SP140: variants seen among roughly 807,000 people sequenced by gnomAD.
The protein encoded by SP140 is SP140 nuclear body protein, also known as nuclear body protein SP140.
In SP140, 81 loss-of-function variants were observed where a neutral mutation model predicts 125.0. That is an observed-to-expected ratio of 0.65 (90% CI 0.54 to 0.78). The LOEUF is 0.78. Ranked by LOEUF, SP140 falls within the 30% of genes least tolerant of loss-of-function variation. SP140 has a pLI of 0.00. For synonymous variants in SP140, 312 were observed against 354.0 expected (o/e 0.88, Z 1.33); for missense variants, 858 against 1,037.0 (o/e 0.83, Z 2.37).
At chr2:230,278,585 C>T (rs1379490990) in intron 15 of SP140, among the ~76,000 whole-genome samples, 1 of 152,052 alleles carries the variant, frequency 6.6e-6, no homozygotes, top group Non-Finnish European at 1.5e-5. Flanking sequence ...AGACTAACCT[C>T]AAGGAGCTTT....
intron 19 of SP140, among the ~76,000 whole-genome samples, chr2:230,291,926 G>C (rs1005794878): frequency 1.3e-5 from 2 of 152,170 alleles, no homozygotes; most frequent in Admixed American, 1.3e-4. Flanking sequence ...GTTATCGTCT[G>C]TCTGTCTTTT....
intron 12 of SP140, among the ~76,000 whole-genome samples, chr2:230,259,515 TA>T (rs71049699): frequency 0.19 from 26,835 of 142,012 alleles, 2,734 homozygotes; most frequent in Non-Finnish European, 0.25. Context: ...CCGCCTCCGC[TA>T]AAAAAAAAAA....
intron 1 of SP140, chr2:230,213,010 AT>A: frequency 1.9e-6 from 3 of 1,613,928 alleles, no homozygotes; most frequent in Non-Finnish European, 2.5e-6. Flanking sequence ...CTGCTCTGCC[AT>A]TCATAGGAAG....
At chr2:230,271,552 C>T (rs1453175595) in intron 15 of SP140, among the ~76,000 whole-genome samples, 1 of 152,114 alleles carries the variant, frequency 6.6e-6, no homozygotes, top group East Asian at 1.9e-4. Context: ...AAAGGGCCTC[C>T]TTATTATATA....
At chr2:230,259,770 TCATATATATATATATATATATATATAC>T (rs144574839) in intron 12 of SP140, among the ~76,000 whole-genome samples, 18,163 of 67,288 alleles carry the variant, frequency 0.27, 1,428 homozygotes, top group Non-Finnish European at 0.29. Context: ...TAGTATTCCA[TCATATATATATATATATATATATATAC>T]CACATACATA....
At chr2:230,202,446 A>C, upstream of SP140, 1 of 789,982 alleles carries the variant, frequency 1.3e-6, no homozygotes, top group Non-Finnish European at 2.1e-6. Flanking sequence ...TCCTCTTGTT[A>C]TACCCCATCC....
chr2:230,296,444 A>G (rs778437943), intron 21 of SP140, among the ~76,000 whole-genome samples: 1 of 152,194 alleles, frequency 6.6e-6, no homozygotes, highest in Non-Finnish European at 1.5e-5. Flanking sequence ...GAAGGGAAGG[A>G]TGCCAAGTCA....
At chr2:230,276,972 G>C (rs956444886) in intron 15 of SP140, among the ~76,000 whole-genome samples, 6 of 152,154 alleles carry the variant, frequency 3.9e-5, no homozygotes, top group African/African-American at 1.4e-4. Flanking sequence ...ACCTTGAGTG[G>C]ACAAGGAGTT....
At chr2:230,194,158 C>T in the SP140 span, among the ~76,000 whole-genome samples, 1 of 152,176 alleles carries the variant, frequency 6.6e-6, no homozygotes, top group South Asian at 2.1e-4. Context: ...GAGGGCTTTC[C>T]AAAGCAGTGA....
chr2:230,305,064 A>G (rs1333513511), intron 22 of SP140, among the ~76,000 whole-genome samples: 1 of 152,226 alleles, frequency 6.6e-6, no homozygotes, highest in East Asian at 1.9e-4. Context: ...AGCAAGAAAA[A>G]ATCAAATAAT....
At chr2:230,294,877 A>G (rs2057527319) in intron 21 of SP140, among the ~76,000 whole-genome samples, 1 of 152,234 alleles carries the variant, frequency 6.6e-6, no homozygotes, top group Admixed American at 6.5e-5. Flanking sequence ...AAATGTACAC[A>G]CAGACACACA....
rs1450867118 is a variant in SP140, at chr2:230,237,403, G to A, written c.237+143G>A. On this transcript the variant is annotated intron_variant, in intron 2 of 26. Transcript: ENST00000392045. This position sits in a 1 kb window ranked among gnomAD's most constrained non-coding sequence, Gnocchi z 5.4. ...GGTTAGGAGGTGACAGGAGAAGCAGGCATCACAGAAAACCTCCCTTCTTCT... is the reference window on the plus strand; with the variant it reads ...GGTTAGGAGGTGACAGGAGAAGCAGACATCACAGAAAACCTCCCTTCTTCT... 1 of 677,810 alleles carries A rather than the reference G, an allele frequency of 1.5e-6. No homozygotes were observed. The highest frequency in any genetic ancestry group is 2.4e-6 in the Non-Finnish European group (1 of 413,368). The allele number at this position is 677,810 out of a possible 1,614,324, so 42.0% of individuals were successfully genotyped here. A position where few individuals can be genotyped will look rare whatever the true frequency, so the allele number is the denominator to read the frequency against.
intron 12 of SP140, among the ~76,000 whole-genome samples, chr2:230,264,898 T>C (rs1411068453): frequency 6.6e-6 from 1 of 152,130 alleles, no homozygotes; most frequent in African/African-American, 2.4e-5. Context: ...ATGGACTCCA[T>C]GGGGGTCCTT....
At position 230,253,219 on chromosome 2, in the gene SP140, G is replaced by T. The variant is rs150510022; in HGVS notation, c.1058-97G>T. The T allele has an allele frequency of 8.3e-5, 69 of 830,408 alleles. No homozygotes were observed. In the East Asian group the frequency reaches 1.7e-3, roughly 21 times the overall value. The allele number at this position is 830,408 out of a possible 1,614,324, so 51.4% of individuals were successfully genotyped here. A position where few individuals can be genotyped will look rare whatever the true frequency, so the allele number is the denominator to read the frequency against. ...AGGAGATGTAACAAGATGGAGAAAAGGCGGAACAAGACAGGGGTGGCTCTT... is the reference window on the plus strand; with the variant it reads ...AGGAGATGTAACAAGATGGAGAAAATGCGGAACAAGACAGGGGTGGCTCTT... On this transcript the variant is annotated intron_variant, in intron 10 of 26. Coordinates refer to ENST00000392045, the MANE Select transcript of SP140 (RefSeq NM_007237.5).
chr2:230,277,674 G>A (rs944255575), intron 15 of SP140, among the ~76,000 whole-genome samples: 4 of 152,006 alleles, frequency 2.6e-5, no homozygotes, highest in Non-Finnish European at 5.9e-5. Context: ...TTAGAAACAT[G>A]TTTACTTACT....
chr2:230,257,436 C>T (rs749391478), intron 12 of SP140, among the ~76,000 whole-genome samples: 9 of 151,958 alleles, frequency 5.9e-5, no homozygotes, highest in Non-Finnish European at 7.4e-5. Flanking sequence ...CCATAGATGC[C>T]GTCATAGAGT....
chr2:230,306,240 T>C (rs940310871), intron 22 of SP140, among the ~76,000 whole-genome samples: 1 of 152,164 alleles, frequency 6.6e-6, no homozygotes, highest in African/African-American at 2.4e-5. Flanking sequence ...CTTTCCCCAC[T>C]GCATCCTGGG....
At chr2:230,243,398 A>T (rs1175458254) in intron 4 of SP140, among the ~76,000 whole-genome samples, 1 of 152,208 alleles carries the variant, frequency 6.6e-6, no homozygotes, top group Middle Eastern at 3.2e-3. Flanking sequence ...GAAGAGAGAA[A>T]TGCATCTAGG....
chr2:230,250,228 G>A (rs1213472114), intron 9 of SP140, among the ~76,000 whole-genome samples: 1 of 152,212 alleles, frequency 6.6e-6, no homozygotes, highest in African/African-American at 2.4e-5. Context: ...ATTGGCAATT[G>A]CAAGATGTCA....
Sources: allele counts gnomAD v4.1 joint callset (sites outside exome capture counted in the v4.1 genomes callset), GRCh38; gene constraint gnomAD v4.1.1; non-coding constraint Gnocchi (gnomAD v3.1); transcripts MANE v1.5; gene names NCBI Gene and HGNC (gene_info 2026-07-23, HGNC 2026-07-21).